Variants in DGKE observed in about 807,000 individuals in gnomAD.
DGKE encodes the protein DAG kinase epsilon.
In DGKE, 53 loss-of-function variants were observed where a neutral mutation model predicts 70.0. That is an observed-to-expected ratio of 0.76 (90% CI 0.61 to 0.95). The LOEUF is 0.95. Among genes scored for constraint, DGKE ranks in the 40% least tolerant of loss-of-function variants. The pLI, the probability that DGKE is intolerant of heterozygous loss-of-function variation, is 0.00. For missense variants in DGKE, 655 were observed against 706.9 expected (o/e 0.93, Z 0.83); for synonymous variants, 291 against 257.0 (o/e 1.13, Z -1.27).
chr17:56,856,005 CAAA>C (rs35335003), intron 7 of DGKE, among the ~76,000 whole-genome samples: 2 of 120,294 alleles, frequency 1.7e-5, no homozygotes, highest in South Asian at 3.0e-4. Flanking sequence ...GACTCCATCT[CAAA>C]AAAAAAAAAA....
At position 56,834,881 on chromosome 17, in the gene DGKE, C is replaced by G. The variant is rs1374447524; in HGVS notation, c.86C>G (p.Ser29Trp). The G allele has an allele frequency of 2.0e-5, 32 of 1,613,378 alleles. No homozygotes were observed. Among genetic ancestry groups the G allele is most frequent in the Non-Finnish European group, 2.6e-5 (31 of 1,179,862 alleles). The stretch of plus-strand genomic sequence containing the variant: ...CACCTGATCTTGTGGACGCTGTGCT[C>G]GGTCCTGCTGCCGGTGTTCATCACC... ...DGHLILWTLCSVLLPVFITFW... is the reference protein window; with the variant it reads ...DGHLILWTLCWVLLPVFITFW... The change falls in exon 2 of 12, where the codon TCG becomes TGG. Residue 29 changes from serine to tryptophan, a missense_variant. By Grantham distance (177) the Ser-to-Trp change is radical. Coordinates refer to ENST00000284061, the MANE Select transcript of DGKE (RefSeq NM_003647.3).
intron 3 of DGKE, 66 bp from the exon 4 acceptor site, chr17:56,845,624 G>A: frequency 2.0e-6 from 3 of 1,506,472 alleles, no homozygotes; most frequent in Non-Finnish European, 2.7e-6. Context: ...TTGTTCTCAA[G>A]GCATGGAAAA....
rs746212416 is a variant in DGKE at position 56,863,018 on chromosome 17, A to C, written c.*227A>C. ...TACTTCAAATGAATAGTATTAACTT[A>C]CAAAAAGTCACAAAAACTTACATGA... On this transcript the variant is annotated 3_prime_UTR_variant, in exon 12 of 12. Coordinates refer to ENST00000284061, the MANE Select transcript of DGKE (RefSeq NM_003647.3). The C allele has an allele frequency of 5.8e-5, 22 of 376,374 alleles. No homozygotes were observed. Among genetic ancestry groups the C allele is most frequent in the Non-Finnish European group, 7.0e-5 (15 of 215,096 alleles). The allele number at this position is 376,374 out of a possible 1,614,324, so 23.3% of individuals were successfully genotyped here.
chr17:56,844,314 G>A (rs1907163619), intron 3 of DGKE, 136 bp downstream of exon 3: 5 of 571,378 alleles, frequency 8.8e-6, no homozygotes, highest in Non-Finnish European at 1.1e-5. Context: ...TCAAGACCAA[G>A]GAGAGAAATA....
At chr17:56,850,059 G>T (rs1907554924) in intron 7 of DGKE, among the ~76,000 whole-genome samples, 1 of 151,866 alleles carries the variant, frequency 6.6e-6, no homozygotes, top group African/African-American at 2.4e-5. Flanking sequence ...TAAATGCTGA[G>T]AATGCATAAG....
rs368866768 is a variant in DGKE at position 56,844,012 on chromosome 17, C to T, written c.465-7C>T. 2 of 1,531,524 alleles carry T rather than the reference C, an allele frequency of 1.3e-6. No homozygotes were observed. The highest frequency in any genetic ancestry group is 2.9e-5 in the African/African-American group (2 of 69,542). 94.9% of individuals were successfully genotyped at this position (1,531,524 alleles called of 1,614,324 possible). A position where few individuals can be genotyped will look rare whatever the true frequency, so the allele number is the denominator to read the frequency against. Reference sequence around the variant, plus strand: ...ATTAGTTAATGCTTGTTTCTTCCTTCCCTCAGGTGCATTTGGTGCCAGAAA... The same window carrying T: ...ATTAGTTAATGCTTGTTTCTTCCTTTCCTCAGGTGCATTTGGTGCCAGAAA... On this transcript the variant is annotated splice_polypyrimidine_tract_variant and splice_region_variant and intron_variant, in intron 2 of 11. Coordinates refer to ENST00000284061, the MANE Select transcript of DGKE (RefSeq NM_003647.3).
chr17:56,835,468 C>T (rs1598012138), intron 2 of DGKE: 1 of 583,594 alleles, frequency 1.7e-6, no homozygotes, highest in African/African-American at 1.9e-5. Flanking sequence ...CTCCACTCCT[C>T]AGCCAGCCTG....
In DGKE at chr17:56,834,166, C is replaced by T. The variant is rs1050058362; in HGVS notation, c.-113C>T. The stretch of plus-strand genomic sequence containing the variant: ...CTGGAGCCTTAAGCGTTTCCCCCGC[C>T]CGGCTTCATCCCTGCTGGCGGCCCA... On this transcript the variant is annotated 5_prime_UTR_variant, in exon 1 of 12. Transcript: ENST00000284061. The T allele has an allele frequency of 3.9e-5, 6 of 152,342 alleles. No homozygotes were observed. The highest frequency in any genetic ancestry group is 1.3e-4 in the Admixed American group (2 of 15,282). 9.4% of individuals were successfully genotyped at this position (152,342 alleles called of 1,614,324 possible).
rs570351798 is a variant in DGKE at position 56,854,301 on chromosome 17, T to G, written c.1099-2211T>G. On this transcript the variant is annotated intron_variant, in intron 7 of 11. Coordinates refer to ENST00000284061, the MANE Select transcript of DGKE (RefSeq NM_003647.3). ...TATTTTCAAATTGCTAAAAGAGAGGTTTTTTGTTTTTGTTTTTTGTTTTTT... is the reference window on the plus strand; with the variant it reads ...TATTTTCAAATTGCTAAAAGAGAGGGTTTTTGTTTTTGTTTTTTGTTTTTT... 4.6e-5 allele frequency among the ~76,000 whole-genome samples: 7 copies of G among 151,356 alleles called. No homozygotes were observed. In the South Asian group the frequency reaches 1.5e-3, roughly 32 times the overall value.
In DGKE at chr17:56,864,094, C is replaced by T. The variant is rs1277635278; in HGVS notation, c.*1303C>T. The stretch of plus-strand genomic sequence containing the variant: ...CTTTGTTTCATTGTTTTATTTGCCC[C>T]TCAATTGCCACAAACTTACTGAAGG... On this transcript the variant is annotated 3_prime_UTR_variant, in exon 12 of 12. Coordinates refer to ENST00000284061, the MANE Select transcript of DGKE (RefSeq NM_003647.3). The T allele has an allele frequency of 1.3e-5, 2 of 152,302 alleles. No homozygotes were observed. The highest frequency in any genetic ancestry group is 3.9e-4 in the East Asian group (2 of 5,190). The allele number at this position is 152,302 out of a possible 1,614,324, so 9.4% of individuals were successfully genotyped here.
At chr17:56,849,429 C>G (rs919867635) in intron 7 of DGKE, among the ~76,000 whole-genome samples, 197 bp downstream of exon 7, 13 of 152,144 alleles carry the variant, frequency 8.5e-5, no homozygotes, top group Non-Finnish European at 1.9e-4. Flanking sequence ...ATGCTTAGTT[C>G]TGCCCTAGCT....
intron 2 of DGKE, among the ~76,000 whole-genome samples, chr17:56,841,325 T>C (rs1906970352): frequency 6.6e-6 from 1 of 151,984 alleles, no homozygotes; most frequent in African/African-American, 2.4e-5. Context: ...TATCTGTATA[T>C]ATATTTTTAA....
At chr17:56,856,734 A>G (rs372398504) in intron 8 of DGKE, 109 bp downstream of exon 8, 11 of 1,331,108 alleles carry the variant, frequency 8.3e-6, no homozygotes, top group Admixed American at 2.9e-5. Context: ...ACTTACAGAA[A>G]TATTTACCTG....
Position 56,862,882 on chromosome 17 carries a change from A to T in DGKE, c.*91A>T, listed in dbSNP as rs1908379419. The T allele has an allele frequency of 7.7e-6, 9 of 1,174,226 alleles. No individual in the cohort carries two copies. The South Asian group carries it at 2.1e-4, about 28-fold the overall frequency. The allele number at this position is 1,174,226 out of a possible 1,614,324, so 72.7% of individuals were successfully genotyped here. A position where few individuals can be genotyped will look rare whatever the true frequency, so the allele number is the denominator to read the frequency against. On this transcript the variant is annotated 3_prime_UTR_variant, in exon 12 of 12. Transcript: ENST00000284061. ...TATTAATAGAAATTCTCTATCAGCT[A>T]TTCAGTCTTAATTTCACTAGTAGTA...
At chr17:56,846,725 C>G (rs1892071619) in intron 4 of DGKE, among the ~76,000 whole-genome samples, 1 of 152,054 alleles carries the variant, frequency 6.6e-6, no homozygotes, top group African/African-American at 2.4e-5. Flanking sequence ...ATTTTTTACA[C>G]TTTCAATATT....
intron 4 of DGKE, chr17:56,846,153 G>A (rs1434548930): frequency 6.2e-6 from 1 of 160,890 alleles, no homozygotes; most frequent in Non-Finnish European, 1.3e-5. Context: ...TAGCTGAAAA[G>A]CATAAACAGC....
rs771100668 is a variant in DGKE, at chr17:56,863,903, C to T, written c.*1112C>T. ...ATAAGTTAAATTGATCACATAAATTCTGCTAGTCACAATCAGATAGAAATT... is the reference window on the plus strand; with the variant it reads ...ATAAGTTAAATTGATCACATAAATTTTGCTAGTCACAATCAGATAGAAATT... On this transcript the variant is annotated 3_prime_UTR_variant, in exon 12 of 12. Transcript: ENST00000284061. 9 of 152,114 alleles carry T rather than the reference C, an allele frequency of 5.9e-5. No individual in the cohort carries two copies. The highest frequency in any genetic ancestry group is 1.3e-4 in the Non-Finnish European group (9 of 68,028). 9.4% of individuals were successfully genotyped at this position (152,114 alleles called of 1,614,324 possible).
At position 56,835,253 on chromosome 17, in the gene DGKE, A is replaced by G. The variant is rs1425598376; in HGVS notation, c.458A>G (p.Asp153Gly). 6 of 1,608,696 alleles carry G rather than the reference A, an allele frequency of 3.7e-6. No homozygotes were observed. Among genetic ancestry groups the G allele is most frequent in the Non-Finnish European group, 5.1e-6 (6 of 1,178,434 alleles). Residue 153 changes from aspartate to glycine, a missense_variant, in exon 2 of 12, where the codon GAT (aspartate) becomes GGT (glycine). By Grantham distance (94) the Asp-to-Gly change is moderately conservative. Transcript: ENST00000284061. The stretch of plus-strand genomic sequence containing the variant: ...TGTGGCTGTCAACCCAAGCTTTGCG[A>G]TTACAGGTATGGTCTTCGTGGACAC... ...QQCGCQPKLC[D>G]YRCIWCQKTV...
chr17:56,840,965 A>AT (rs1255590125), intron 2 of DGKE, among the ~76,000 whole-genome samples: 2 of 151,980 alleles, frequency 1.3e-5, no homozygotes, highest in Non-Finnish European at 2.9e-5. Flanking sequence ...CTTAAAAAAA[A>AT]ATTTTTGGCC....
Sources: allele counts gnomAD v4.1 joint callset (sites outside exome capture counted in the v4.1 genomes callset), GRCh38; gene constraint gnomAD v4.1.1; transcripts MANE v1.5; gene names NCBI Gene and HGNC (gene_info 2026-07-23, HGNC 2026-07-21).